Variants in CRYBG1 observed in about 807,000 individuals in gnomAD.
CRYBG1 encodes the protein beta/gamma crystallin domain-containing protein 1.
Under a neutral mutation model 189.2 loss-of-function variants are expected in CRYBG1, and 139 were observed. The ratio of observed to expected loss-of-function variants is 0.73; its 90% CI spans 0.64 to 0.85. The LOEUF (loss-of-function observed/expected upper bound fraction) is 0.85, where lower values mean the gene tolerates loss of function less well. CRYBG1 is among the 40% of genes least tolerant of loss of function. The probability of loss-of-function intolerance (pLI) is 0.00; values close to 1 mark genes in which losing one functional copy is unlikely to be tolerated. For missense variants in CRYBG1, 2,611 were observed against 2,675.8 expected, an observed-to-expected ratio of 0.98 and a Z score of 0.53; for synonymous variants, 1,023 against 1,017.1, an observed-to-expected ratio of 1.01 and a Z score of -0.11.
intron 1 of CRYBG1, among the ~76,000 whole-genome samples, chr6:106,431,469 G>C (rs1282793908): frequency 6.6e-6 from 1 of 151,922 alleles, no homozygotes; most frequent in Admixed American, 6.6e-5. Context: ...TTTGGGACAA[G>C]CCTGCTCAAG....
chr6:106,433,638 T>C (rs554929040), intron 1 of CRYBG1, among the ~76,000 whole-genome samples: 3 of 150,904 alleles, frequency 2.0e-5, no homozygotes, highest in Non-Finnish European at 4.4e-5. Flanking sequence ...AGACCTGGGC[T>C]AGATCTAATT....
chr6:106,469,209 C>T (rs1772174324), intron 2 of CRYBG1, among the ~76,000 whole-genome samples: 1 of 152,188 alleles, frequency 6.6e-6, no homozygotes, highest in Non-Finnish European at 1.5e-5. Flanking sequence ...TGCACTTGCC[C>T]CTGTCCTCAC....
At chr6:106,545,073 T>C in intron 13 of CRYBG1, 140 bp downstream of exon 13, 3 of 691,390 alleles carry the variant, frequency 4.3e-6, no homozygotes, top group Non-Finnish European at 6.8e-6. Context: ...ATTTAATAGT[T>C]GCTGTCATGA....
chr6:106,436,519 C>T (rs191287808), intron 1 of CRYBG1, among the ~76,000 whole-genome samples: 56 of 152,270 alleles, frequency 3.7e-4, no homozygotes, highest in African/African-American at 9.4e-4. Flanking sequence ...TGGTCTCGAT[C>T]TCCTGACCTC....
chr6:106,412,421 G>A (rs1770944253), intron 1 of CRYBG1, among the ~76,000 whole-genome samples: 1 of 152,190 alleles, frequency 6.6e-6, no homozygotes, highest in South Asian at 2.1e-4. Flanking sequence ...TATTTGGAGA[G>A]CAGAGAGACT....
intron 1 of CRYBG1, among the ~76,000 whole-genome samples, chr6:106,380,107 TCAAAAAAGA>T (rs1184941829): frequency 6.6e-6 from 1 of 152,046 alleles, no homozygotes; most frequent in Non-Finnish European, 1.5e-5. Context: ...TTGTGCAATT[TCAAAAAAGA>T]AAAACCCCAG....
At chr6:106,389,548 A>G (rs986888379) in intron 1 of CRYBG1, among the ~76,000 whole-genome samples, 4 of 152,158 alleles carry the variant, frequency 2.6e-5, no homozygotes, top group Non-Finnish European at 4.4e-5. Context: ...CAGTTGCATT[A>G]AAAAGCAAGG....
In CRYBG1 at chr6:106,409,905, T is replaced by C. The variant is rs537741615; in HGVS notation, c.174-41789T>C. On this transcript the variant is annotated intron_variant, in intron 1 of 21. Coordinates refer to ENST00000633556, the MANE Select transcript of CRYBG1 (RefSeq NM_001371242.2). ...GGGTTAAAGACTTAAATGTAAGACC[T>C]AAAACCATAGATACCCCAGAAGAAA... is the stretch of plus-strand genomic sequence containing the variant. Among the ~76,000 whole-genome samples, 28 of 152,254 alleles carry C rather than the reference T, an allele frequency of 1.8e-4. No homozygotes were observed. The South Asian group carries it at 5.8e-3, about 32-fold the overall frequency.
intron 8 of CRYBG1, among the ~76,000 whole-genome samples, chr6:106,534,582 G>A (rs72941307): frequency 0.034 from 5,173 of 152,248 alleles, 132 homozygotes; most frequent in Non-Finnish European, 0.053. Flanking sequence ...AATCCATTAG[G>A]TGATTTATTC....
chr6:106,407,322 A>G (rs1488754361), intron 1 of CRYBG1, among the ~76,000 whole-genome samples: 1 of 152,230 alleles, frequency 6.6e-6, no homozygotes, highest in Admixed American at 6.5e-5. Flanking sequence ...GATCAATGCA[A>G]TAAGAGGATC....
At chr6:106,372,179 C>G (rs1170051308) in intron 1 of CRYBG1, among the ~76,000 whole-genome samples, 2 of 152,302 alleles carry the variant, frequency 1.3e-5, no homozygotes, top group African/African-American at 2.4e-5. Context: ...TAATGCCACT[C>G]CATAACTGAT....
chr6:106,382,539 A>G (rs1419479913), intron 1 of CRYBG1, among the ~76,000 whole-genome samples: 2 of 152,164 alleles, frequency 1.3e-5, no homozygotes, highest in African/African-American at 4.8e-5. Context: ...GGCTTCTAAA[A>G]ATGAATTTTT....
At chr6:106,464,504 A>AC (rs1449196092) in intron 2 of CRYBG1, among the ~76,000 whole-genome samples, 1 of 151,836 alleles carries the variant, frequency 6.6e-6, no homozygotes, top group Non-Finnish European at 1.5e-5. Flanking sequence ...AAAAAAAAAA[A>AC]AAAATCTGAA....
chr6:106,438,787 GT>G (rs1323075066), intron 1 of CRYBG1, among the ~76,000 whole-genome samples: 5 of 152,224 alleles, frequency 3.3e-5, no homozygotes. Context: ...TCATGTAATG[GT>G]TTGATGTCAA....
At chr6:106,449,328 G>A (rs1771733011) in intron 1 of CRYBG1, 1 of 152,184 alleles carries the variant, frequency 6.6e-6, no homozygotes, top group South Asian at 2.1e-4. Flanking sequence ...CTATTAAGGG[G>A]AGCAGACTGC....
intron 1 of CRYBG1, among the ~76,000 whole-genome samples, chr6:106,436,098 C>T (rs1431546709): frequency 6.6e-6 from 1 of 152,086 alleles, no homozygotes; most frequent in Non-Finnish European, 1.5e-5. Context: ...TTAAGCTTCC[C>T]TGAGGAACCT....
At chr6:106,463,037 C>T (rs1772043887) in intron 2 of CRYBG1, among the ~76,000 whole-genome samples, 2 of 152,146 alleles carry the variant, frequency 1.3e-5, no homozygotes, top group Non-Finnish European at 2.9e-5. Context: ...GCCTGTAGTC[C>T]TAGCTATTTG....
chr6:106,460,143 C>G (rs12195920), intron 2 of CRYBG1, among the ~76,000 whole-genome samples: 1 of 110,400 alleles, frequency 9.1e-6, no homozygotes, highest in African/African-American at 4.0e-5. Flanking sequence ...CCCGCCACCA[C>G]GCCCGGCTAA....
At chr6:106,451,182 G>T (rs1468739197) in intron 1 of CRYBG1, among the ~76,000 whole-genome samples, 1 of 152,142 alleles carries the variant, frequency 6.6e-6, no homozygotes, top group Non-Finnish European at 1.5e-5. Flanking sequence ...CATTCTTTCT[G>T]CCTTTATTAG....
Sources: gnomAD v4.1 joint callset for allele counts (sites outside exome capture counted in the v4.1 genomes callset) on GRCh38, gnomAD v4.1.1 for gene constraint, MANE v1.5 for transcripts, NCBI Gene and HGNC (gene_info 2026-07-23, HGNC 2026-07-21) for gene names.